HS6ST3: variants seen among roughly 807,000 people sequenced by gnomAD.
The protein encoded by HS6ST3 is heparan sulfate 6-O-sulfotransferase 3.
A neutral mutation model predicts 36.7 loss-of-function variants in HS6ST3; 12 were observed. That is an observed-to-expected ratio of 0.33 (90% CI 0.21 to 0.53). HS6ST3 has a LOEUF of 0.53. Among genes scored for constraint, HS6ST3 ranks in the 20% least tolerant of loss-of-function variants. The pLI, the probability that HS6ST3 is intolerant of heterozygous loss-of-function variation, is 0.95. For synonymous variants in HS6ST3, 240 were observed against 257.5 expected (o/e 0.93, Z 0.65); for missense variants, 584 against 640.9 (o/e 0.91, Z 0.96).
intron 1 of HS6ST3, among the ~76,000 whole-genome samples, chr13:96,641,259 CT>C (rs1378676295): frequency 6.6e-6 from 1 of 151,736 alleles, no homozygotes; most frequent in African/African-American, 2.4e-5. Context: ...TTCCTAGGTA[CT>C]TTTTGTTGTT....
chr13:96,556,619 G>A (rs758025028), intron 1 of HS6ST3, among the ~76,000 whole-genome samples: 1 of 152,144 alleles, frequency 6.6e-6, no homozygotes, highest in African/African-American at 2.4e-5. Flanking sequence ...CTGTTTGGAT[G>A]TACTTTTGAG....
In HS6ST3 at chr13:96,692,711, G is replaced by A. The variant is rs986858853; in HGVS notation, c.708-139779G>A. 5.9e-5 allele frequency among the ~76,000 whole-genome samples: 9 copies of A among 151,908 alleles called. 1 individual carries two copies. The highest frequency in any genetic ancestry group is 1.5e-5 in the Non-Finnish European group (1 of 67,952). On this transcript the variant is annotated intron_variant, in intron 1 of 1. Coordinates refer to ENST00000376705, the MANE Select transcript of HS6ST3 (RefSeq NM_153456.4). ...GTTCATTTTTCATTTCTTTTTTCTG[G>A]AATAGCTTTTATTGTTCAAATTTGT...
chr13:96,187,523 C>T (rs1224827004), intron 1 of HS6ST3, among the ~76,000 whole-genome samples: 1 of 152,136 alleles, frequency 6.6e-6, no homozygotes, highest in Non-Finnish European at 1.5e-5. Flanking sequence ...TCTATGACTC[C>T]AAAGCCTGTA....
chr13:96,091,679 C>T, intron 1 of HS6ST3, 110 bp downstream of exon 1: 1 of 1,401,954 alleles, frequency 7.1e-7, no homozygotes, highest in Non-Finnish European at 9.4e-7. Context: ...GGTTTCCTGG[C>T]GTCTTCAGCG....
intron 1 of HS6ST3, among the ~76,000 whole-genome samples, chr13:96,219,395 T>TAA (rs996582902): frequency 6.6e-6 from 1 of 152,170 alleles, no homozygotes; most frequent in African/African-American, 2.4e-5. Context: ...TCACCTTACA[T>TAA]AATTCCCTTG....
chr13:96,409,058 A>G (rs186388474), intron 1 of HS6ST3, among the ~76,000 whole-genome samples: 66 of 152,372 alleles, frequency 4.3e-4, no homozygotes, highest in African/African-American at 1.5e-3. Flanking sequence ...GATTCTGAGT[A>G]AACTGTAATA....
chr13:96,234,351 A>C (rs1225002715), intron 1 of HS6ST3, among the ~76,000 whole-genome samples: 1 of 152,178 alleles, frequency 6.6e-6, no homozygotes, highest in East Asian at 1.9e-4. Context: ...CGGAGGCTGC[A>C]GTGAGCCTAG....
intron 1 of HS6ST3, among the ~76,000 whole-genome samples, chr13:96,636,796 G>A (rs1415840253): frequency 1.3e-5 from 2 of 152,182 alleles, no homozygotes; most frequent in Admixed American, 6.5e-5. Context: ...ACGAGTTGAC[G>A]AGGGCAGGAG....
chr13:96,717,744 G>A (rs906334967), intron 1 of HS6ST3, among the ~76,000 whole-genome samples: 2 of 152,154 alleles, frequency 1.3e-5, no homozygotes, highest in African/African-American at 4.8e-5. Flanking sequence ...TGTCAAGCTG[G>A]AAATGGTGAA....
At chr13:96,389,360 G>T (rs1267829566) in intron 1 of HS6ST3, among the ~76,000 whole-genome samples, 1 of 151,964 alleles carries the variant, frequency 6.6e-6, no homozygotes, top group Non-Finnish European at 1.5e-5. Flanking sequence ...ACATCATGTT[G>T]TAAACCTCAA....
At chr13:96,232,920 A>G (rs1165130366) in intron 1 of HS6ST3, among the ~76,000 whole-genome samples, 5 of 152,156 alleles carry the variant, frequency 3.3e-5, no homozygotes, top group Non-Finnish European at 7.3e-5. Context: ...AGTGTGTTTC[A>G]TGATGTATGT....
At chr13:96,190,918 C>T (rs887016160) in intron 1 of HS6ST3, among the ~76,000 whole-genome samples, 1 of 147,164 alleles carries the variant, frequency 6.8e-6, no homozygotes, top group African/African-American at 2.6e-5. Flanking sequence ...GGCTGAGTGA[C>T]ACAAGGCTAG....
chr13:96,444,226 G>C (rs960171411), intron 1 of HS6ST3, among the ~76,000 whole-genome samples: 1 of 152,162 alleles, frequency 6.6e-6, no homozygotes, highest in African/African-American at 2.4e-5. Flanking sequence ...ATTCTCAAAT[G>C]TGGCAGGCAC....
intron 1 of HS6ST3, among the ~76,000 whole-genome samples, chr13:96,158,821 C>T (rs1254852797): frequency 1.3e-5 from 2 of 151,804 alleles, no homozygotes; most frequent in African/African-American, 4.8e-5. Flanking sequence ...AGAAGGAGAA[C>T]TGAGAGCCCA....
intron 1 of HS6ST3, among the ~76,000 whole-genome samples, chr13:96,809,778 C>T (rs1220274226): frequency 6.6e-6 from 1 of 152,216 alleles, no homozygotes; most frequent in African/African-American, 2.4e-5. Context: ...ACCTGGATTT[C>T]CATGCTGGCT....
At chr13:96,107,093 A>G (rs927627962) in intron 1 of HS6ST3, among the ~76,000 whole-genome samples, 1 of 152,212 alleles carries the variant, frequency 6.6e-6, no homozygotes, top group Non-Finnish European at 1.5e-5. Flanking sequence ...TTAGTGCCAG[A>G]TCTTGTCATT....
chr13:96,637,307 C>G (rs1230434577), intron 1 of HS6ST3, among the ~76,000 whole-genome samples: 1 of 152,086 alleles, frequency 6.6e-6, no homozygotes, highest in Non-Finnish European at 1.5e-5. Flanking sequence ...ATTTGTTAAG[C>G]ACCTGATATT....
chr13:96,619,826 C>T (rs1198653425), intron 1 of HS6ST3, among the ~76,000 whole-genome samples: 1 of 152,202 alleles, frequency 6.6e-6, no homozygotes, highest in Non-Finnish European at 1.5e-5. Flanking sequence ...ACCCTTACAG[C>T]TTCCTTTTTG....
intron 1 of HS6ST3, among the ~76,000 whole-genome samples, chr13:96,639,711 CA>C (rs907067770): frequency 6.6e-6 from 1 of 151,874 alleles, no homozygotes; most frequent in Non-Finnish European, 1.5e-5. Flanking sequence ...TACCCTCCCC[CA>C]AAAATAGTCC....
Sources: allele counts gnomAD v4.1 joint callset (sites outside exome capture counted in the v4.1 genomes callset), GRCh38; gene constraint gnomAD v4.1.1; transcripts MANE v1.5; gene names NCBI Gene and HGNC (gene_info 2026-07-23, HGNC 2026-07-21).